Variants in RGS12 observed in about 807,000 individuals in gnomAD.
The protein encoded by RGS12 is regulator of G-protein signaling 12.
A neutral mutation model predicts 120.1 loss-of-function variants in RGS12; 66 were observed. The observed-to-expected ratio is 0.55, with a 90% confidence interval of 0.45 to 0.67. RGS12 has a LOEUF of 0.67. Ranked by LOEUF, RGS12 falls within the 30% of genes least tolerant of loss-of-function variation. The pLI is 0.00. For missense variants in RGS12, 1,859 were observed against 1,957.7 expected, an observed-to-expected ratio of 0.95 and a Z score of 0.95; for synonymous variants, 827 against 804.7, an observed-to-expected ratio of 1.03 and a Z score of -0.47.
rs1004636146 is a variant in RGS12 at position 3,372,574 on chromosome 4, C to T, written c.1999-13842C>T. On this transcript the variant is annotated intron_variant, in intron 3 of 17. Coordinates refer to ENST00000336727, the MANE Select transcript of RGS12 (RefSeq NM_001394154.1). This position sits in a 1 kb window ranked among gnomAD's most constrained non-coding sequence, Gnocchi z 4.3. ...CCGCCTCGGGTGCATCCACGCTGGC[C>T]CCCCCAGGTGTGCCCTGTGTGGCCG... Among the ~76,000 whole-genome samples, 4 of 152,212 alleles carry T rather than the reference C, an allele frequency of 2.6e-5. No homozygotes were observed. Among genetic ancestry groups the T allele is most frequent in the Non-Finnish European group, 5.9e-5 (4 of 68,040 alleles).
At chr4:3,311,052 A>T (rs1724368649) in intron 1 of RGS12, among the ~76,000 whole-genome samples, 1 of 152,112 alleles carries the variant, frequency 6.6e-6, no homozygotes, top group Non-Finnish European at 1.5e-5. Flanking sequence ...CTGCACAGCA[A>T]GTCCTGGCCG....
chr4:3,298,527 T>C (rs181383191), intron 1 of RGS12, among the ~76,000 whole-genome samples: 10 of 152,278 alleles, frequency 6.6e-5, no homozygotes, highest in Non-Finnish European at 1.2e-4. Context: ...TTTTTACTTT[T>C]CATTTTATTT....
chr4:3,362,579 G>A (rs879738390), intron 3 of RGS12, among the ~76,000 whole-genome samples: 5 of 136,896 alleles, frequency 3.7e-5, no homozygotes, highest in Non-Finnish European at 7.9e-5. Context: ...TTGGTGTGAG[G>A]GTGTGAGGGT....
At chr4:3,401,362 A>G (rs1185088372) in intron 4 of RGS12, among the ~76,000 whole-genome samples, 1 of 152,248 alleles carries the variant, frequency 6.6e-6, no homozygotes, top group Non-Finnish European at 1.5e-5. Flanking sequence ...TTCAGCCTGT[A>G]GTCTCTCATT....
chr4:3,406,978 C>T (rs563742406), intron 4 of RGS12, among the ~76,000 whole-genome samples: 4 of 152,324 alleles, frequency 2.6e-5, no homozygotes, highest in African/African-American at 9.6e-5. Flanking sequence ...TTTGAGTGAT[C>T]ACCTGCTTAT....
At chr4:3,331,202 C>T (rs1711799114) in intron 2 of RGS12, among the ~76,000 whole-genome samples, 1 of 152,122 alleles carries the variant, frequency 6.6e-6, no homozygotes, top group Admixed American at 6.5e-5. Context: ...AATTCTAACA[C>T]CCCTCAAAGA....
intron 2 of RGS12, among the ~76,000 whole-genome samples, chr4:3,325,771 A>G (rs929698965): frequency 1.3e-5 from 2 of 152,174 alleles, no homozygotes; most frequent in African/African-American, 4.8e-5. Flanking sequence ...TTGAACATAG[A>G]TTACAAATCC....
intron 4 of RGS12, among the ~76,000 whole-genome samples, chr4:3,403,206 C>T (rs1289321547): frequency 2.6e-5 from 4 of 152,184 alleles, no homozygotes; most frequent in Non-Finnish European, 4.4e-5. Flanking sequence ...CTGGGCTCTG[C>T]CAGAATAGTT....
At chr4:3,430,085 C>T (rs1724096819) in intron 16 of RGS12, among the ~76,000 whole-genome samples, 1 of 152,228 alleles carries the variant, frequency 6.6e-6, no homozygotes, top group Non-Finnish European at 1.5e-5. Context: ...GAGAGTCCCA[C>T]AGTTTCCTAC....
In RGS12 at chr4:3,362,518, GTGTGAGGGTGTGT is replaced by G. The variant is rs1437640232; in HGVS notation, c.1998+19475_1998+19487del. ...TGTGTGAGGGTGCGAGGATCAGTGT[GTGTGAGGGTGTGT>G]TGTGAGGGTTTGTGTGAGGGTGTGT... On this transcript the variant is annotated intron_variant, in intron 3 of 17. Coordinates refer to ENST00000336727, the MANE Select transcript of RGS12 (RefSeq NM_001394154.1). Among the ~76,000 whole-genome samples the G allele has an allele frequency of 8.8e-3, 1,272 of 144,586 alleles. 26 individuals carry two copies. Among genetic ancestry groups the G allele is most frequent in the African/African-American group, 0.031 (1,189 of 38,746 alleles). The allele number at this position is 144,586 out of a possible 152,430, so 94.9% of individuals were successfully genotyped here. A position where few individuals can be genotyped will look rare whatever the true frequency, so the allele number is the denominator to read the frequency against.
chr4:3,342,092 C>T (rs1713293327), intron 2 of RGS12, among the ~76,000 whole-genome samples: 1 of 151,844 alleles, frequency 6.6e-6, no homozygotes, highest in Non-Finnish European at 1.5e-5. Context: ...CCTAGGGACT[C>T]TCAAGGAATT....
intron 3 of RGS12, among the ~76,000 whole-genome samples, chr4:3,352,480 GA>G (rs1714458070): frequency 1.3e-5 from 2 of 152,052 alleles, no homozygotes; most frequent in South Asian, 4.1e-4. Flanking sequence ...AATAGGGAGG[GA>G]GACTCTCCAA....
chr4:3,325,903 C>T (rs1457264752), intron 2 of RGS12, among the ~76,000 whole-genome samples: 1 of 151,972 alleles, frequency 6.6e-6, no homozygotes, highest in Admixed American at 6.6e-5. Context: ...GTGATATATC[C>T]CATAAATAGA....
intron 2 of RGS12, among the ~76,000 whole-genome samples, chr4:3,323,595 C>T (rs951548700): frequency 2.0e-5 from 3 of 152,114 alleles, no homozygotes; most frequent in Admixed American, 6.5e-5. Flanking sequence ...GTAGTGGCCA[C>T]GTGGTATTAT....
chr4:3,416,192 A>G, intron 7 of RGS12, 71 bp downstream of exon 7: 1 of 1,549,478 alleles, frequency 6.5e-7, no homozygotes, highest in East Asian at 2.3e-5. Context: ...ACCTTCAAAG[A>G]ACACGTGCTA....
intron 14 of RGS12, among the ~76,000 whole-genome samples, chr4:3,427,743 GAAAA>G (rs1011331720): frequency 1.3e-5 from 2 of 151,214 alleles, no homozygotes; most frequent in Non-Finnish European, 3.0e-5. Context: ...CTCAAAAAAA[GAAAA>G]AAAAGAAAGA....
At chr4:3,423,936 C>G (rs764340413) in intron 13 of RGS12, 26 of 320,090 alleles carry the variant, frequency 8.1e-5, no homozygotes, top group African/African-American at 1.9e-4. Flanking sequence ...CTGGACTATC[C>G]TCCGCTGTTG....
chr4:3,392,698 A>C (rs1719629636), intron 4 of RGS12, among the ~76,000 whole-genome samples: 2 of 152,116 alleles, frequency 1.3e-5, no homozygotes, highest in Admixed American at 1.3e-4. Context: ...TTAAAACCCC[A>C]AAAATGTTGG....
At chr4:3,324,161 G>A (rs1578730724) in intron 2 of RGS12, 1 of 152,834 alleles carries the variant, frequency 6.5e-6, no homozygotes, top group Non-Finnish European at 1.5e-5. Context: ...CTGTGTGAAG[G>A]CGACAGTGGA....
Sources: allele counts gnomAD v4.1 joint callset (sites outside exome capture counted in the v4.1 genomes callset), GRCh38; gene constraint gnomAD v4.1.1; non-coding constraint Gnocchi (gnomAD v3.1); transcripts MANE v1.5; gene names NCBI Gene and HGNC (gene_info 2026-07-23, HGNC 2026-07-21).